Variants in IQGAP1 observed in about 807,000 individuals in gnomAD.
IQGAP1 encodes the protein ras GTPase-activating-like protein IQGAP1.
Under a neutral mutation model 215.6 loss-of-function variants are expected in IQGAP1, and 66 were observed. That is an observed-to-expected ratio of 0.31 (90% CI 0.25 to 0.38). IQGAP1 has a LOEUF of 0.38. Ranked by LOEUF, IQGAP1 falls within the 10% of genes least tolerant of loss-of-function variation. The pLI is 1.00. For synonymous variants in IQGAP1, 772 were observed against 728.7 expected (o/e 1.06, Z -0.96); for missense variants, 1,712 against 1,997.1 (o/e 0.86, Z 2.72).
intron 33 of IQGAP1, among the ~76,000 whole-genome samples, chr15:90,488,275 A>G (rs1451041886): frequency 6.8e-6 from 1 of 148,048 alleles, no homozygotes; most frequent in Non-Finnish European, 1.5e-5. Flanking sequence ...ATGTTGTAGT[A>G]TTTGCATATA....
intron 26 of IQGAP1, among the ~76,000 whole-genome samples, chr15:90,479,279 A>G (rs978941522): frequency 2.6e-5 from 4 of 152,246 alleles, no homozygotes; most frequent in African/African-American, 7.2e-5. Context: ...ATTGATTTAC[A>G]TTCTGACTCA....
At chr15:90,430,756 T>A (rs1369496686) in intron 4 of IQGAP1, among the ~76,000 whole-genome samples, 1 of 152,008 alleles carries the variant, frequency 6.6e-6, no homozygotes, top group Non-Finnish European at 1.5e-5. Context: ...TTCAAATTTT[T>A]GTAACCAAAG....
chr15:90,488,513 G>T (rs994619597), intron 33 of IQGAP1, among the ~76,000 whole-genome samples: 1 of 152,088 alleles, frequency 6.6e-6, no homozygotes, highest in Non-Finnish European at 1.5e-5. Flanking sequence ...TGCCTTGGTA[G>T]ATAGAAGAAA....
At position 90,492,698 on chromosome 15, in the gene IQGAP1, G is replaced by T. The variant is rs368259212; in HGVS notation, c.4615G>T (p.Ala1539Ser). The part of the protein sequence containing the change: ...SYIKTCLDNL[A>S]SKGKVSKKPR... ...TATCAAAACCTGCTTGGATAACTTAGCCAGCAAGGGCAAGTGAGTATTTTT... is the reference window on the plus strand; with the variant it reads ...TATCAAAACCTGCTTGGATAACTTATCCAGCAAGGGCAAGTGAGTATTTTT... Residue 1539 changes from alanine to serine, a missense_variant, in exon 35 of 38, where the codon GCC becomes TCC. This residue lies in a region of IQGAP1 where 691 missense variants were observed against 923.0 expected (regional missense o/e 0.75). Transcript: ENST00000268182. 1.2e-6 allele frequency: 2 copies of T among 1,609,280 alleles called. No individual in the cohort carries two copies. The highest frequency in any genetic ancestry group is 1.7e-6 in the Non-Finnish European group (2 of 1,178,648).
intron 5 of IQGAP1, 33 bp from the exon 6 acceptor site, chr15:90,439,299 G>T: frequency 6.3e-7 from 1 of 1,579,418 alleles, no homozygotes; most frequent in East Asian, 2.2e-5. Context: ...GCACAGCTGG[G>T]AGGCCTAACC....
intron 2 of IQGAP1, among the ~76,000 whole-genome samples, chr15:90,396,019 A>G (rs1202131082): frequency 6.6e-6 from 1 of 152,196 alleles, no homozygotes; most frequent in East Asian, 1.9e-4. Context: ...GGAAGGTAGG[A>G]ACGCTGGCTG....
At chr15:90,444,565 T>C (rs1276872122) in intron 9 of IQGAP1, among the ~76,000 whole-genome samples, 2 of 152,174 alleles carry the variant, frequency 1.3e-5, no homozygotes, top group Non-Finnish European at 2.9e-5. Flanking sequence ...ATTACAGGCA[T>C]GAGCCACCTT....
At chr15:90,389,907 A>G (rs990867896) in intron 1 of IQGAP1, among the ~76,000 whole-genome samples, 2 of 150,246 alleles carry the variant, frequency 1.3e-5, no homozygotes, top group Non-Finnish European at 3.0e-5. Flanking sequence ...GTAAGCCATG[A>G]TTGTGCCACT....
intron 8 of IQGAP1, among the ~76,000 whole-genome samples, 179 bp downstream of exon 8, chr15:90,441,863 A>G (rs1965455410): frequency 6.6e-6 from 1 of 152,150 alleles, no homozygotes. Flanking sequence ...TCACTCCCAG[A>G]AAGTTCCTTA....
At chr15:90,454,365 T>C (rs1965649127) in intron 13 of IQGAP1, 63 bp from the exon 14 acceptor site, 1 of 1,599,664 alleles carries the variant, frequency 6.3e-7, no homozygotes. Context: ...CTAGCAATCT[T>C]TGTTCCTTGA....
chr15:90,457,713 A>G (rs1965705560), intron 15 of IQGAP1, among the ~76,000 whole-genome samples: 1 of 150,836 alleles, frequency 6.6e-6, no homozygotes. Flanking sequence ...AAGTGTTGGG[A>G]ATTACAGGCA....
intron 2 of IQGAP1, among the ~76,000 whole-genome samples, chr15:90,408,826 C>G (rs1306390618): frequency 2.0e-5 from 3 of 152,098 alleles, no homozygotes; most frequent in Non-Finnish European, 4.4e-5. Context: ...GGGTCTTGCT[C>G]TCTTGCCCAG....
chr15:90,467,226 A>G lies in IQGAP1; in HGVS notation c.2036-224A>G, dbSNP rs567521379. On this transcript the variant is annotated intron_variant, in intron 17 of 37. Transcript: ENST00000268182. The stretch of plus-strand genomic sequence containing the variant: ...ATGGTTAATTCCATAATTGGACTTC[A>G]TAGGTATTTTCTTCTTATAGACATA... Among the ~76,000 whole-genome samples, 5 of 152,334 alleles carry G rather than the reference A, an allele frequency of 3.3e-5. 1 individual carries two copies. The South Asian group carries it at 8.3e-4, about 25-fold the overall frequency.
At chr15:90,467,425 C>T (rs1157991464) in intron 17 of IQGAP1, 25 bp from the exon 18 acceptor site, 2 of 1,601,734 alleles carry the variant, frequency 1.2e-6, no homozygotes, top group Admixed American at 3.5e-5. Context: ...TGGATGTCTT[C>T]TATCTTTCCT....
At chr15:90,431,289 A>G (rs1965299617) in intron 4 of IQGAP1, 1 of 151,970 alleles carries the variant, frequency 6.6e-6, no homozygotes. Context: ...TTGTTAGGAA[A>G]TGCAGTACGT....
rs998343689 is a variant in IQGAP1 at position 90,500,873 on chromosome 15, CAG to C, written c.*769_*770del. On this transcript the variant is annotated 3_prime_UTR_variant, in exon 38 of 38. Transcript: ENST00000268182. ...GCACCTGCCTGTTTTTGTTGGTGCACAGAGATTGACTTGATTCAGAGAGACAA... is the reference window on the plus strand; with the variant it reads ...GCACCTGCCTGTTTTTGTTGGTGCACAGATTGACTTGATTCAGAGAGACAA... 2.0e-5 allele frequency: 3 copies of C among 152,574 alleles called. No individual in the cohort carries two copies. Among genetic ancestry groups the C allele is most frequent in the Non-Finnish European group, 4.4e-5 (3 of 68,036 alleles). 9.5% of individuals were successfully genotyped at this position (152,574 alleles called of 1,614,324 possible).
At chr15:90,412,810 G>A (rs1289817438) in intron 2 of IQGAP1, among the ~76,000 whole-genome samples, 1 of 152,168 alleles carries the variant, frequency 6.6e-6, no homozygotes, top group African/African-American at 2.4e-5. Flanking sequence ...TGCAAGATGG[G>A]TGTGGTACCA....
intron 14 of IQGAP1, 73 bp from the exon 15 acceptor site, chr15:90,456,079 C>T: frequency 7.8e-7 from 1 of 1,274,566 alleles, no homozygotes. Context: ...GATTAGTTAG[C>T]ATGTTCCATG....
chr15:90,441,015 G>A (rs907645061), intron 7 of IQGAP1, among the ~76,000 whole-genome samples: 1 of 151,882 alleles, frequency 6.6e-6, no homozygotes, highest in Non-Finnish European at 1.5e-5. Flanking sequence ...GCTGAGGCAG[G>A]AGAATCACTT....
Sources: gnomAD v4.1 joint callset for allele counts (sites outside exome capture counted in the v4.1 genomes callset) on GRCh38, gnomAD v4.1.1 for gene constraint, gnomAD v4.1.1 regional missense constraint, MANE v1.5 for transcripts, NCBI Gene and HGNC (gene_info 2026-07-23, HGNC 2026-07-21) for gene names.